Variants in RBMS1 observed in about 807,000 individuals in gnomAD.
The protein encoded by RBMS1 is RNA-binding motif, single-stranded-interacting protein 1.
Under a neutral mutation model 62.3 loss-of-function variants are expected in RBMS1, and 17 were observed. That is an observed-to-expected ratio of 0.27 (90% CI 0.19 to 0.41). The LOEUF is 0.41. Among genes scored for constraint, RBMS1 ranks in the 10% least tolerant of loss-of-function variants. The pLI is 1.00. For missense variants in RBMS1, 334 were observed against 504.5 expected (o/e 0.66, Z 3.24); for synonymous variants, 172 against 170.0 (o/e 1.01, Z -0.09).
At chr2:160,347,663 C>A (rs1440323764) in intron 2 of RBMS1, among the ~76,000 whole-genome samples, 1 of 152,098 alleles carries the variant, frequency 6.6e-6, no homozygotes, top group Admixed American at 6.6e-5. Flanking sequence ...GTCTGTCTAC[C>A]AATTTCTATC....
chr2:160,467,909 C>CT (rs1341501176), intron 1 of RBMS1, among the ~76,000 whole-genome samples: 1 of 152,124 alleles, frequency 6.6e-6, no homozygotes, highest in Non-Finnish European at 1.5e-5. Flanking sequence ...AAAAAAATCT[C>CT]TGAGAATGCA....
intron 1 of RBMS1, among the ~76,000 whole-genome samples, chr2:160,433,538 C>G (rs1574052281): frequency 6.6e-6 from 1 of 152,216 alleles, no homozygotes; most frequent in Non-Finnish European, 1.5e-5. Context: ...ACAATTAAAA[C>G]AAGTGAAATT....
chr2:160,294,987 C>T (rs1430136449), intron 6 of RBMS1, among the ~76,000 whole-genome samples: 1 of 147,916 alleles, frequency 6.8e-6, no homozygotes, highest in African/African-American at 2.5e-5. Flanking sequence ...CAAACTGGTA[C>T]TCAAAAGAAT....
intron 2 of RBMS1, among the ~76,000 whole-genome samples, chr2:160,326,547 C>A (rs1206955155): frequency 6.6e-6 from 1 of 152,100 alleles, no homozygotes; most frequent in Non-Finnish European, 1.5e-5. Flanking sequence ...GAGGACTCTG[C>A]ATTCTAAGAA....
intron 2 of RBMS1, among the ~76,000 whole-genome samples, chr2:160,321,124 G>A (rs12476102): frequency 0.35 from 53,735 of 151,810 alleles, 9,745 homozygotes; most frequent in East Asian, 0.53. Context: ...TGATGGGAAA[G>A]ACAGGAAAAT....
intron 4 of RBMS1, among the ~76,000 whole-genome samples, chr2:160,308,676 C>T (rs1449124478): frequency 6.6e-6 from 1 of 152,186 alleles, no homozygotes; most frequent in African/African-American, 2.4e-5. Flanking sequence ...TGGCCAGCAC[C>T]TCTGAACCTG....
intron 1 of RBMS1, among the ~76,000 whole-genome samples, chr2:160,412,644 C>T (rs1696078867): frequency 1.3e-5 from 2 of 152,290 alleles, no homozygotes; most frequent in Middle Eastern, 3.4e-3. Context: ...GTGATAAGTG[C>T]CAGGCAAGTG....
intron 2 of RBMS1, among the ~76,000 whole-genome samples, chr2:160,335,443 C>A (rs1261424843): frequency 6.6e-6 from 1 of 152,162 alleles, no homozygotes; most frequent in Admixed American, 6.5e-5. Context: ...TCCTAGAGAA[C>A]TGTTCAAATT....
At chr2:160,297,469 T>C (rs1024105506) in intron 6 of RBMS1, among the ~76,000 whole-genome samples, 3 of 152,248 alleles carry the variant, frequency 2.0e-5, no homozygotes, top group Admixed American at 6.5e-5. Flanking sequence ...TGTTGTTGCA[T>C]AGTATGGCTC....
At chr2:160,285,830 G>A (rs1378040516) in intron 7 of RBMS1, among the ~76,000 whole-genome samples, 2 of 151,842 alleles carry the variant, frequency 1.3e-5, no homozygotes, top group African/African-American at 4.8e-5. Context: ...TAAAAAATTA[G>A]GCCGAGCACG....
intron 1 of RBMS1, among the ~76,000 whole-genome samples, chr2:160,465,709 C>T (rs1021004277): frequency 1.5e-4 from 23 of 152,258 alleles, no homozygotes; most frequent in African/African-American, 5.3e-4. Context: ...TCAACAGTTA[C>T]CAAAGCTCAG....
At chr2:160,459,131 T>C (rs1182647527) in intron 1 of RBMS1, among the ~76,000 whole-genome samples, 1 of 152,250 alleles carries the variant, frequency 6.6e-6, no homozygotes, top group East Asian at 1.9e-4. Context: ...GGTCGGTCTC[T>C]ATTTATGTTC....
chr2:160,457,699 G>A (rs1684297491), intron 1 of RBMS1, among the ~76,000 whole-genome samples: 1 of 152,132 alleles, frequency 6.6e-6, no homozygotes, highest in Non-Finnish European at 1.5e-5. Flanking sequence ...AGGATTCAGA[G>A]CACAGACCAG....
intron 3 of RBMS1, among the ~76,000 whole-genome samples, chr2:160,316,873 C>A (rs528218722): frequency 1.3e-5 from 2 of 152,164 alleles, no homozygotes; most frequent in African/African-American, 4.8e-5. Context: ...TTTATTCCTG[C>A]AAGAGTCTAT....
At chr2:160,334,629 A>G (rs1021158734) in intron 2 of RBMS1, among the ~76,000 whole-genome samples, 3 of 152,146 alleles carry the variant, frequency 2.0e-5, no homozygotes, top group African/African-American at 7.2e-5. Flanking sequence ...GTGTTAAGGA[A>G]ACTGTTGGCT....
chr2:160,451,734 G>A (rs549534483), intron 1 of RBMS1, among the ~76,000 whole-genome samples: 62 of 152,008 alleles, frequency 4.1e-4, no homozygotes, highest in Non-Finnish European at 6.9e-4. Context: ...TCAGCCACCC[G>A]AGTAGCTGGG....
chr2:160,461,226 G>C (rs914199598), intron 1 of RBMS1, among the ~76,000 whole-genome samples: 2 of 151,962 alleles, frequency 1.3e-5, no homozygotes, highest in African/African-American at 4.8e-5. Context: ...TTCAGCCTGG[G>C]CAACAGAGCA....
chr2:160,357,158 T>A (rs1045227540), intron 2 of RBMS1, among the ~76,000 whole-genome samples: 5 of 152,078 alleles, frequency 3.3e-5, no homozygotes, highest in African/African-American at 1.2e-4. Context: ...AAGGCTCATA[T>A]AAAGGAACAA....
intron 1 of RBMS1, among the ~76,000 whole-genome samples, chr2:160,392,531 T>C (rs970010635): frequency 1.3e-5 from 2 of 152,132 alleles, no homozygotes; most frequent in African/African-American, 4.8e-5. Flanking sequence ...ACGTAAACCT[T>C]TATTGCTTGT....
Sources: allele counts gnomAD v4.1 joint callset (sites outside exome capture counted in the v4.1 genomes callset), GRCh38; gene constraint gnomAD v4.1.1; transcripts MANE v1.5; gene names NCBI Gene and HGNC (gene_info 2026-07-23, HGNC 2026-07-21).